The following SGCD variants were observed in gnomAD, a reference collection of about 807,000 sequenced individuals.
The protein encoded by SGCD is sarcoglycan delta.
Under a neutral mutation model 36.6 loss-of-function variants are expected in SGCD, and 18 were observed. That is an observed-to-expected ratio of 0.49 (90% confidence interval 0.34 to 0.73). The LOEUF (loss-of-function observed/expected upper bound fraction) is 0.73, where lower values mean the gene tolerates loss of function less well. SGCD is among the 30% of genes least tolerant of loss of function. The pLI, the probability that SGCD is intolerant of heterozygous loss-of-function variation, is 0.01. For missense variants in SGCD, 387 were observed against 346.7 expected, an observed-to-expected ratio of 1.12 and a Z score of -0.92; for synonymous variants, 133 against 130.6, an observed-to-expected ratio of 1.02 and a Z score of -0.12.
At chr5:155,757,293 G>A in the SGCD span, among the ~76,000 whole-genome samples, 1 of 152,274 alleles carries the variant, frequency 6.6e-6, no homozygotes, top group South Asian at 2.1e-4. Flanking sequence ...TATATGGCAG[G>A]TACTTCACTA....
intron 1 of SGCD, among the ~76,000 whole-genome samples, chr5:155,913,522 TTATC>T (rs1756674506): frequency 6.6e-6 from 1 of 152,192 alleles, no homozygotes; most frequent in African/African-American, 2.4e-5. Context: ...ATAGCACTAA[TTATC>T]TAATCCTTAA....
chr5:156,706,365 T>C (rs1049421128), intron 7 of SGCD, among the ~76,000 whole-genome samples: 5 of 152,190 alleles, frequency 3.3e-5, no homozygotes, highest in African/African-American at 7.2e-5. Context: ...TACACTGTTA[T>C]CTGCCACAAT....
At chr5:155,780,937 T>A in the SGCD span, among the ~76,000 whole-genome samples, 1 of 152,190 alleles carries the variant, frequency 6.6e-6, no homozygotes, top group Non-Finnish European at 1.5e-5. Context: ...CACCACTGAC[T>A]TGGTCATTCT....
At chr5:155,874,092 A>G (rs1755714480) in intron 1 of SGCD, among the ~76,000 whole-genome samples, 1 of 152,144 alleles carries the variant, frequency 6.6e-6, no homozygotes, top group Admixed American at 6.6e-5. Flanking sequence ...GTTTTATACA[A>G]TGTTGCACTT....
chr5:155,879,993 G>A (rs1170587404), intron 1 of SGCD, among the ~76,000 whole-genome samples: 1 of 152,128 alleles, frequency 6.6e-6, no homozygotes, highest in Non-Finnish European at 1.5e-5. Context: ...TGGATTGGGG[G>A]AGTTTTGCAG....
At chr5:156,271,606 A>C (rs1393871524) in intron 3 of SGCD, among the ~76,000 whole-genome samples, 1 of 152,104 alleles carries the variant, frequency 6.6e-6, no homozygotes, top group Non-Finnish European at 1.5e-5. Flanking sequence ...GAGTGTCTCA[A>C]TTTAGGAATA....
At chr5:156,194,094 G>A (rs532182808) in intron 3 of SGCD, among the ~76,000 whole-genome samples, 1 of 152,338 alleles carries the variant, frequency 6.6e-6, no homozygotes, top group South Asian at 2.1e-4. Flanking sequence ...TGTGTAAAAA[G>A]GTTGGGTGCT....
intron 3 of SGCD, among the ~76,000 whole-genome samples, chr5:156,306,948 G>A (rs1767230168): frequency 6.6e-6 from 1 of 150,744 alleles, no homozygotes; most frequent in Admixed American, 6.6e-5. Flanking sequence ...TTTGTGTTTT[G>A]TGAATTCTTT....
At chr5:156,715,839 G>A (rs932735200) in intron 7 of SGCD, among the ~76,000 whole-genome samples, 3 of 152,184 alleles carry the variant, frequency 2.0e-5, no homozygotes, top group African/African-American at 4.8e-5. Flanking sequence ...ACTTTTCTGA[G>A]AAACAGAAGA....
chr5:156,303,354 G>A (rs1767108121), intron 3 of SGCD, among the ~76,000 whole-genome samples: 1 of 152,024 alleles, frequency 6.6e-6, no homozygotes, highest in Non-Finnish European at 1.5e-5. Flanking sequence ...TACCAGGCCT[G>A]GGTCTCTCCC....
At chr5:156,477,619 T>G (rs1361830305) in intron 3 of SGCD, among the ~76,000 whole-genome samples, 1 of 150,454 alleles carries the variant, frequency 6.6e-6, no homozygotes, top group Non-Finnish European at 1.5e-5. Flanking sequence ...CATGAGCTGT[T>G]GCCTTGATGG....
Position 156,648,570 on chromosome 5 carries a change from T to C in SGCD, c.575+1034T>C, listed in dbSNP as rs1204741058. ...ATAAGTCTGGATGGCTGTAAGGAAA[T>C]AAATTGGGCCAAAGGAAGAGGATAG... On this transcript the variant is annotated intron_variant, in intron 7 of 8. Coordinates refer to ENST00000337851, the MANE Select transcript of SGCD (RefSeq NM_000337.6). Among the ~76,000 whole-genome samples the C allele has an allele frequency of 3.9e-5, 6 of 152,052 alleles. No individual in the cohort carries two copies. In the East Asian group the frequency reaches 1.2e-3, roughly 29 times the overall value.
chr5:156,717,207 AAGAG>A, intron 7 of SGCD, among the ~76,000 whole-genome samples: 1 of 152,310 alleles, frequency 6.6e-6, no homozygotes, highest in South Asian at 2.1e-4. Context: ...GGATGCCTCA[AAGAG>A]AGAGAAACAC....
chr5:155,825,727 TG>T, the SGCD span, among the ~76,000 whole-genome samples: 2 of 17,398 alleles, frequency 1.1e-4, no homozygotes, highest in South Asian at 5.3e-3. Flanking sequence ...CTTTATTATT[TG>T]TTTTTTTTTT....
At position 156,023,905 on chromosome 5, in the gene SGCD, T is replaced by C. The variant is rs141117284; in HGVS notation, c.-281-93973T>C. Among the ~76,000 whole-genome samples the C allele has an allele frequency of 2.2e-3, 332 of 152,342 alleles. 2 individuals carry two copies. Among genetic ancestry groups the C allele is most frequent in the African/African-American group, 7.8e-3 (323 of 41,588 alleles). On this transcript the variant is annotated intron_variant, in intron 1 of 9. Transcript: ENST00000517913. ...TATCACTTGTCTGGCTTTCTGACTTTGACGCTTCTCAAGAGAGGTTTAGTT... is the reference window on the plus strand; with the variant it reads ...TATCACTTGTCTGGCTTTCTGACTTCGACGCTTCTCAAGAGAGGTTTAGTT...
At chr5:156,549,815 C>A (rs1758720323) in intron 4 of SGCD, among the ~76,000 whole-genome samples, 1 of 152,190 alleles carries the variant, frequency 6.6e-6, no homozygotes, top group Admixed American at 6.5e-5. Flanking sequence ...GTACCCAAAC[C>A]CTTTCTACTA....
chr5:156,043,510 G>T (rs1327959973), intron 1 of SGCD, among the ~76,000 whole-genome samples: 1 of 152,102 alleles, frequency 6.6e-6, no homozygotes. Context: ...TGGGAAAGTG[G>T]GGGCAAAGAT....
At chr5:156,645,584 A>G (rs1485102155) in intron 6 of SGCD, among the ~76,000 whole-genome samples, 1 of 152,186 alleles carries the variant, frequency 6.6e-6, no homozygotes, top group Non-Finnish European at 1.5e-5. Context: ...TTAATCTGCT[A>G]AGGGAGATAG....
intron 3 of SGCD, among the ~76,000 whole-genome samples, chr5:156,254,874 T>C (rs973442753): frequency 2.0e-5 from 3 of 152,140 alleles, no homozygotes; most frequent in African/African-American, 7.2e-5. Context: ...TCTCATTTTT[T>C]TTTGTAAAAG....
Sources: allele counts gnomAD v4.1 joint callset (sites outside exome capture counted in the v4.1 genomes callset), GRCh38; gene constraint gnomAD v4.1.1; transcripts MANE v1.5; gene names NCBI Gene and HGNC (gene_info 2026-07-23, HGNC 2026-07-21).